LEPR: variants seen among roughly 807,000 people sequenced by gnomAD.
LEPR encodes the protein leptin receptor, also known as OB receptor.
LEPR carries 56 observed loss-of-function variants against 114.7 expected under a neutral mutation model. That is an observed-to-expected ratio of 0.49 (90% CI 0.39 to 0.61). The LOEUF is 0.61. LEPR is among the 20% of genes least tolerant of loss of function. The pLI is 0.00. For synonymous variants in LEPR, 443 were observed against 461.4 expected, an observed-to-expected ratio of 0.96 and a Z score of 0.51; for missense variants, 1,202 against 1,352.9, an observed-to-expected ratio of 0.89 and a Z score of 1.75.
intron 2 of LEPR, among the ~76,000 whole-genome samples, chr1:65,468,167 T>C (rs887747121): frequency 3.3e-5 from 5 of 152,152 alleles, no homozygotes; most frequent in African/African-American, 1.2e-4. Context: ...TTTGGCCATC[T>C]TGGAAGCAAC....
At chr1:65,584,903 C>T (rs930960459) in intron 5 of LEPR, among the ~76,000 whole-genome samples, 4 of 151,940 alleles carry the variant, frequency 2.6e-5, no homozygotes, top group Non-Finnish European at 5.9e-5. Context: ...CTGAAGAGTA[C>T]TTTGCATTTT....
intron 2 of LEPR, among the ~76,000 whole-genome samples, chr1:65,472,615 GACACACACACACACACAC>G (rs77182938): frequency 1.5e-5 from 2 of 137,074 alleles, no homozygotes; most frequent in African/African-American, 5.6e-5. Flanking sequence ...TATATATATA[GACACACACACACACACAC>G]ACACACACAC....
chr1:65,559,896 T>C (rs1241824814), intron 2 of LEPR, among the ~76,000 whole-genome samples: 65 of 133,114 alleles, frequency 4.9e-4, no homozygotes, highest in South Asian at 1.6e-3. Context: ...CTCTGTTCTG[T>C]TCCATTGATC....
At chr1:65,452,413 G>T (rs1209513085) in intron 2 of LEPR, among the ~76,000 whole-genome samples, 3 of 148,844 alleles carry the variant, frequency 2.0e-5, no homozygotes, top group African/African-American at 5.0e-5. Context: ...TTGGCTGTGG[G>T]TTTGTCATAG....
intron 2 of LEPR, among the ~76,000 whole-genome samples, chr1:65,548,163 G>A (rs1457871982): frequency 9.2e-5 from 14 of 152,134 alleles, no homozygotes; most frequent in Admixed American, 7.2e-4. Context: ...CTGCACTGTG[G>A]TCTGAGAGAC....
At chr1:65,524,906 G>A (rs1649822646) in intron 2 of LEPR, among the ~76,000 whole-genome samples, 1 of 152,130 alleles carries the variant, frequency 6.6e-6, no homozygotes, top group Non-Finnish European at 1.5e-5. Flanking sequence ...GACAAATAAT[G>A]AGTGAACATT....
chr1:65,530,696 G>A (rs1291902514), intron 2 of LEPR, among the ~76,000 whole-genome samples: 1 of 152,082 alleles, frequency 6.6e-6, no homozygotes. Context: ...CTTTTTTACT[G>A]CAACCTGTTT....
At chr1:65,532,502 A>G (rs1650471357) in intron 2 of LEPR, among the ~76,000 whole-genome samples, 1 of 152,214 alleles carries the variant, frequency 6.6e-6, no homozygotes, top group Non-Finnish European at 1.5e-5. Context: ...AGATGGATGA[A>G]AATATACATC....
chr1:65,568,528 A>G (rs1006817898), intron 3 of LEPR, among the ~76,000 whole-genome samples: 5 of 133,114 alleles, frequency 3.8e-5, no homozygotes, highest in East Asian at 2.5e-4. Flanking sequence ...GTGTGTGTGC[A>G]TGTGCATGTG....
chr1:65,427,855 G>A, intron 2 of LEPR: 1 of 298,888 alleles, frequency 3.3e-6, no homozygotes, highest in Non-Finnish European at 6.9e-6. Flanking sequence ...TGCTCAGGCT[G>A]GTCTTGAACT....
intron 8 of LEPR, among the ~76,000 whole-genome samples, chr1:65,599,095 A>G (rs944823417): frequency 2.6e-5 from 4 of 152,188 alleles, no homozygotes; most frequent in Non-Finnish European, 4.4e-5. Flanking sequence ...TGTATTGATA[A>G]TTCCTTAATT....
In LEPR at chr1:65,618,135, A is replaced by G; in HGVS notation, c.2384A>G (p.Tyr795Cys). The change falls in exon 16 of 20, where the codon TAT becomes TGT. Residue 795 changes from tyrosine (Y) to cysteine (C), a missense_variant. Tyr to Cys is a radical substitution (Grantham distance 194). Coordinates refer to ENST00000349533, the MANE Select transcript of LEPR (RefSeq NM_002303.6). ...AGAATCTCTTCATCTGTTAAGAAGT[A>G]TTATATCCATGGTAAGTTTACTATA... ...WLRISSSVKK[Y>C]YIHDHFIPIE... 6.2e-7 allele frequency: 1 copy of G among 1,606,200 alleles called. No individual in the cohort carries two copies. The highest frequency in any genetic ancestry group is 1.7e-5 in the Admixed American group (1 of 59,926).
chr1:65,488,892 T>C (rs1438782622), intron 2 of LEPR, among the ~76,000 whole-genome samples: 1 of 152,152 alleles, frequency 6.6e-6, no homozygotes, highest in Non-Finnish European at 1.5e-5. Context: ...GTGCCTGGCT[T>C]ATTTCACCGA....
Position 65,488,226 on chromosome 1 carries a change from C to CTCTCTCTCTCTCTT in LEPR, c.-21+62851_-21+62852insCTCTCTCTCTTTCT, listed in dbSNP as rs1553157734. Among the ~76,000 whole-genome samples, 67 of 67,904 alleles carry CTCTCTCTCTCTCTT rather than the reference C, an allele frequency of 9.9e-4. 1 individual carries two copies. The highest frequency in any genetic ancestry group is 2.0e-3 in the African/African-American group (23 of 11,450). The allele number at this position is 67,904 out of a possible 152,430, so 44.5% of individuals were successfully genotyped here. On this transcript the variant is annotated intron_variant, in intron 2 of 19. Transcript: ENST00000349533. ...TTTCTTTCTTTCTCTCTCTCTCTCT[C>CTCTCTCTCTCTCTT]TCTTTCTTTCTTTCTTTCTTTCTTT...
intron 14 of LEPR, among the ~76,000 whole-genome samples, chr1:65,611,340 C>T (rs924202524): frequency 6.6e-6 from 1 of 152,158 alleles, no homozygotes; most frequent in Admixed American, 6.5e-5. Context: ...GACCTGTATT[C>T]TGAGAGATTG....
chr1:65,568,739 G>T lies in LEPR; in HGVS notation c.41-1734G>T, dbSNP rs114984932. ...GATAGTTCTACTTTTAGTTCTTTGA[G>T]AAATCTACACATTGTTTTCCATAGA... On this transcript the variant is annotated intron_variant, in intron 3 of 19. Transcript: ENST00000349533. Among the ~76,000 whole-genome samples, 782 of 151,842 alleles carry T rather than the reference G, an allele frequency of 5.2e-3. 10 individuals are homozygous for T. Among genetic ancestry groups the T allele is most frequent in the African/African-American group, 0.018 (751 of 41,380 alleles).
At chr1:65,485,839 A>C (rs2100467954) in intron 2 of LEPR, among the ~76,000 whole-genome samples, 1 of 152,224 alleles carries the variant, frequency 6.6e-6, no homozygotes, top group East Asian at 1.9e-4. Flanking sequence ...CAGTACATCC[A>C]AGAAGAATGA....
At chr1:65,519,333 A>G (rs1387115724) in intron 2 of LEPR, among the ~76,000 whole-genome samples, 1 of 151,860 alleles carries the variant, frequency 6.6e-6, no homozygotes, top group Non-Finnish European at 1.5e-5. Context: ...TATTTTCAGT[A>G]GAGACTGGGT....
rs914727385 is a variant in LEPR, at chr1:65,640,207, T to C, written c.*3192T>C. 1 of 152,174 alleles carries C rather than the reference T, an allele frequency of 6.6e-6. No homozygotes were observed. The highest frequency in any genetic ancestry group is 1.5e-5 in the Non-Finnish European group (1 of 68,032). 9.4% of individuals were successfully genotyped at this position (152,174 alleles called of 1,614,324 possible). On this transcript the variant is annotated 3_prime_UTR_variant, in exon 20 of 20. Transcript: ENST00000349533. Reference sequence around the variant, plus strand: ...AAAATAAACTTTAGGCTGTAAGAGTTGAGAATTATGCATACAGGGCTCACA... The same window carrying C: ...AAAATAAACTTTAGGCTGTAAGAGTCGAGAATTATGCATACAGGGCTCACA...
Sources: allele counts gnomAD v4.1 joint callset (sites outside exome capture counted in the v4.1 genomes callset), GRCh38; gene constraint gnomAD v4.1.1; transcripts MANE v1.5; gene names NCBI Gene and HGNC (gene_info 2026-07-23, HGNC 2026-07-21).